The following HYAL4 variants were observed in gnomAD, a reference collection of about 807,000 sequenced individuals.
HYAL4 encodes the protein hyaluronidase-4.
A neutral mutation model predicts 35.2 loss-of-function variants in HYAL4; 37 were observed. The ratio of observed to expected loss-of-function variants is 1.05; its 90% CI spans 0.81 to 1.38. The LOEUF (loss-of-function observed/expected upper bound fraction) is 1.38, where lower values mean the gene tolerates loss of function less well. Among genes scored for constraint, HYAL4 ranks in the 40% most tolerant of loss-of-function variants. HYAL4 has a pLI of 0.00. For synonymous variants in HYAL4, 198 were observed against 203.2 expected (o/e 0.97, Z 0.22); for missense variants, 572 against 572.4 (o/e 1.00, Z 0.01).
intron 4 of HYAL4, among the ~76,000 whole-genome samples, chr7:123,875,156 G>C (rs1041486210): frequency 6.6e-6 from 1 of 152,194 alleles, no homozygotes; most frequent in Admixed American, 6.5e-5. Context: ...GGTGAAACTA[G>C]AGAGGAAACC....
At chr7:123,814,409 C>T in the HYAL4 span, 1 of 152,726 alleles carries the variant, frequency 6.5e-6, no homozygotes, top group East Asian at 1.9e-4. Flanking sequence ...TTACTTATCT[C>T]AAGATGGAAA....
chr7:123,868,916 T>C lies in HYAL4; in HGVS notation c.643T>C (p.Trp215Arg). ...LGIKSRPKGL[W>R]GYYLYPDCHN... ...AATTAAGAGCCGACCCAAAGGCCTT[T>C]GGGGTTATTATTTATATCCTGATTG... The change falls in exon 3 of 5, where the codon TGG (tryptophan) becomes CGG (arginine). Residue 215 changes from tryptophan (W) to arginine (R), a missense_variant. By Grantham distance (101) the Trp-to-Arg change is moderately radical (BLOSUM62 -3). Transcript: ENST00000223026. 1.2e-6 allele frequency: 2 copies of C among 1,614,192 alleles called. No individual in the cohort carries two copies. Among genetic ancestry groups the C allele is most frequent in the Non-Finnish European group, 1.7e-6 (2 of 1,180,040 alleles).
At chr7:123,779,232 C>T in the HYAL4 span, among the ~76,000 whole-genome samples, 1 of 152,008 alleles carries the variant, frequency 6.6e-6, no homozygotes, top group Admixed American at 6.6e-5. Context: ...CCAAAGCTCT[C>T]TAAAGTCCTC....
the HYAL4 span, among the ~76,000 whole-genome samples, chr7:123,798,500 A>G: frequency 6.6e-6 from 1 of 152,216 alleles, no homozygotes; most frequent in Admixed American, 6.5e-5. Context: ...ATGTAAAGCC[A>G]TCTCTAAAAA....
chr7:123,835,926 G>A lies in HYAL4; in HGVS notation c.-257+6802G>A, dbSNP rs184037750. On this transcript the variant is annotated intron_variant, in intron 1 of 4. Transcript: ENST00000489978. ...AGTTGATTTCCAGTTTTATTCCACT[G>A]TGCTCTGAGACACTACTTGATATGA... 3.3e-3 allele frequency among the ~76,000 whole-genome samples: 502 copies of A among 152,118 alleles called. 2 individuals carry two copies. The highest frequency in any genetic ancestry group is 6.2e-3 in the Admixed American group (95 of 15,278).
chr7:123,861,945 G>GA (rs1429963032), intron 2 of HYAL4, among the ~76,000 whole-genome samples: 1 of 152,084 alleles, frequency 6.6e-6, no homozygotes, highest in African/African-American at 2.4e-5. Flanking sequence ...AAAAATGTAT[G>GA]AAAAATACTT....
the HYAL4 span, among the ~76,000 whole-genome samples, chr7:123,782,998 A>T: frequency 1.3e-5 from 2 of 151,884 alleles, no homozygotes; most frequent in African/African-American, 4.8e-5. Context: ...GTAAATAAAT[A>T]TATAATCTTT....
chr7:123,770,151 T>C, the HYAL4 span, among the ~76,000 whole-genome samples: 1 of 152,010 alleles, frequency 6.6e-6, no homozygotes, highest in Non-Finnish European at 1.5e-5. Context: ...GGTTTGTCTG[T>C]GAACTGACAT....
At chr7:123,784,333 A>G in the HYAL4 span, among the ~76,000 whole-genome samples, 1 of 152,214 alleles carries the variant, frequency 6.6e-6, no homozygotes, top group African/African-American at 2.4e-5. Flanking sequence ...TGAGATATTG[A>G]TAATCTAGAA....
the HYAL4 span, among the ~76,000 whole-genome samples, chr7:123,781,684 A>G: frequency 6.6e-6 from 1 of 152,162 alleles, no homozygotes; most frequent in Non-Finnish European, 1.5e-5. Context: ...TCAAAGATTT[A>G]ATATGAAAAA....
chr7:123,848,974 G>A (rs1008112071), intron 2 of HYAL4, among the ~76,000 whole-genome samples: 1 of 152,254 alleles, frequency 6.6e-6, no homozygotes. Context: ...TAATTGGGGA[G>A]AGGATAAATA....
chr7:123,782,071 A>C, the HYAL4 span, among the ~76,000 whole-genome samples: 1 of 133,246 alleles, frequency 7.5e-6, no homozygotes, highest in African/African-American at 2.6e-5. Flanking sequence ...ACCATGGGCT[A>C]ATATGCTTCC....
At chr7:123,816,102 T>G in the HYAL4 span, among the ~76,000 whole-genome samples, 1 of 152,188 alleles carries the variant, frequency 6.6e-6, no homozygotes, top group Non-Finnish European at 1.5e-5. Context: ...TCTTATACTT[T>G]AACACTTTTT....
the HYAL4 span, chr7:123,790,765 A>T: frequency 1.5e-4 from 23 of 150,742 alleles, no homozygotes; most frequent in African/African-American, 5.1e-4. Flanking sequence ...ATAATTGAAT[A>T]TGAGTAATTT....
intron 1 of HYAL4, among the ~76,000 whole-genome samples, chr7:123,832,519 A>C (rs1232998836): frequency 2.4e-5 from 1 of 41,084 alleles, no homozygotes; most frequent in Non-Finnish European, 4.1e-5. Flanking sequence ...TTTTTTTTTG[A>C]GACAGAGTCT....
chr7:123,827,088 G>A (rs909163934), upstream of HYAL4, among the ~76,000 whole-genome samples: 1 of 152,058 alleles, frequency 6.6e-6, no homozygotes, highest in East Asian at 1.9e-4. Flanking sequence ...GGTCTGGGTG[G>A]TACACATTTG....
At chr7:123,774,441 T>C in the HYAL4 span, among the ~76,000 whole-genome samples, 2 of 152,150 alleles carry the variant, frequency 1.3e-5, no homozygotes, top group Non-Finnish European at 2.9e-5. Context: ...TTTTCCTTTT[T>C]TTTTTTCCTG....
At chr7:123,809,734 A>G in the HYAL4 span, among the ~76,000 whole-genome samples, 1 of 152,014 alleles carries the variant, frequency 6.6e-6, no homozygotes, top group African/African-American at 2.4e-5. Flanking sequence ...GTACATTCAT[A>G]TCATTGTAGC....
chr7:123,827,197 A>G (rs143251900), upstream of HYAL4, among the ~76,000 whole-genome samples: 17 of 152,242 alleles, frequency 1.1e-4, no homozygotes, highest in African/African-American at 3.6e-4. Context: ...GGGGCACTTC[A>G]GTGTTAAATG....
Sources: gnomAD v4.1 joint callset for allele counts (sites outside exome capture counted in the v4.1 genomes callset) on GRCh38, gnomAD v4.1.1 for gene constraint, MANE v1.5 for transcripts, NCBI Gene and HGNC (gene_info 2026-07-23, HGNC 2026-07-21) for gene names.